Variants in ZSWIM6 observed in about 807,000 individuals in gnomAD.
ZSWIM6 encodes the protein zinc finger SWIM domain-containing protein 6.
ZSWIM6 carries 9 observed loss-of-function variants against 113.2 expected under a neutral mutation model. The observed-to-expected ratio is 0.08, with a 90% CI of 0.05 to 0.14. The LOEUF (loss-of-function observed/expected upper bound fraction) is 0.14. Ranked by LOEUF, ZSWIM6 falls within the 10% of genes least tolerant of loss-of-function variation. The probability of loss-of-function intolerance (pLI) is 1.00; values close to 1 mark genes in which losing one functional copy is unlikely to be tolerated. For synonymous variants in ZSWIM6, 611 were observed against 606.5 expected (o/e 1.01, Z -0.11); for missense variants, 1,162 against 1,552.2 (o/e 0.75, Z 4.22).
chr5:61,420,245 G>C (rs555726860), intron 1 of ZSWIM6, among the ~76,000 whole-genome samples: 1 of 152,356 alleles, frequency 6.6e-6, no homozygotes, highest in East Asian at 1.9e-4. Context: ...ATGCTCTAGA[G>C]ACCAGCACAT....
chr5:61,357,859 T>C (rs1744947477), intron 1 of ZSWIM6, among the ~76,000 whole-genome samples: 1 of 152,124 alleles, frequency 6.6e-6, no homozygotes, highest in Admixed American at 6.5e-5. Flanking sequence ...ACCTTACACC[T>C]TTGAAGGATT....
intron 1 of ZSWIM6, among the ~76,000 whole-genome samples, chr5:61,398,032 T>C (rs1195235572): frequency 1.3e-5 from 2 of 152,220 alleles, no homozygotes; most frequent in African/African-American, 4.8e-5. Context: ...TTTCAGAGAA[T>C]GGGACTTCTT....
At chr5:61,350,806 A>G (rs1744767681) in intron 1 of ZSWIM6, among the ~76,000 whole-genome samples, 1 of 152,224 alleles carries the variant, frequency 6.6e-6, no homozygotes, top group Admixed American at 6.5e-5. Flanking sequence ...AAGTCCTTAT[A>G]AAATGGGACT....
intron 10 of ZSWIM6, among the ~76,000 whole-genome samples, chr5:61,536,193 T>A (rs1256411619): frequency 6.6e-6 from 1 of 152,228 alleles, no homozygotes; most frequent in African/African-American, 2.4e-5. Context: ...TTCCATCTCC[T>A]CATCGGTCTC....
intron 1 of ZSWIM6, among the ~76,000 whole-genome samples, chr5:61,438,916 G>A (rs949116828): frequency 3.9e-5 from 6 of 152,102 alleles, no homozygotes; most frequent in Non-Finnish European, 8.8e-5. Context: ...TTATAAAGAC[G>A]GTTGTGCATG....
chr5:61,511,007 A>G (rs1748772880), intron 4 of ZSWIM6, among the ~76,000 whole-genome samples: 1 of 152,180 alleles, frequency 6.6e-6, no homozygotes, highest in African/African-American at 2.4e-5. Flanking sequence ...GGGAAAGGAG[A>G]TAAATGCCCA....
intron 1 of ZSWIM6, among the ~76,000 whole-genome samples, chr5:61,436,494 A>G (rs1215293088): frequency 6.6e-6 from 1 of 152,170 alleles, no homozygotes; most frequent in African/African-American, 2.4e-5. Flanking sequence ...CTGTGAACTC[A>G]CTTATTTATG....
At chr5:61,413,530 A>G (rs1468688916) in intron 1 of ZSWIM6, among the ~76,000 whole-genome samples, 1 of 152,118 alleles carries the variant, frequency 6.6e-6, no homozygotes, top group Non-Finnish European at 1.5e-5. Context: ...TCCTTTGGGT[A>G]TATACCCAGT....
At chr5:61,454,567 G>GTTTTTTTTTTTTTTTTTTTTTT (rs35249460) in intron 1 of ZSWIM6, among the ~76,000 whole-genome samples, 1 of 128,246 alleles carries the variant, frequency 7.8e-6, no homozygotes, top group Non-Finnish European at 1.6e-5. Context: ...CTATCCCTAA[G>GTTTTTTTTTTTTTTTTTTTTTT]TTTTTTTTTT....
chr5:61,432,653 C>T (rs74646315), intron 1 of ZSWIM6, among the ~76,000 whole-genome samples: 3,703 of 152,298 alleles, frequency 0.024, 159 homozygotes, highest in South Asian at 0.18. Context: ...TGTGAGGCAC[C>T]TATGAGATAA....
chr5:61,424,299 T>G (rs942053779), intron 1 of ZSWIM6, among the ~76,000 whole-genome samples: 3 of 152,194 alleles, frequency 2.0e-5, no homozygotes, highest in Non-Finnish European at 4.4e-5. Flanking sequence ...AGATATAAGG[T>G]ACAGGGCTCG....
Position 61,514,380 on chromosome 5 carries a change from T to C in ZSWIM6, c.1334-6883T>C, listed in dbSNP as rs148076695. ...ATGTCTTTAATCCCCTTCCCTTGCT[T>C]TATTGGCCTGTCTAGAATTTCCAGT... On this transcript the variant is annotated intron_variant, in intron 4 of 13. Transcript: ENST00000252744. Among the ~76,000 whole-genome samples the C allele has an allele frequency of 4.7e-4, 72 of 152,190 alleles. 1 individual carries two copies. In the East Asian group the frequency reaches 0.013, roughly 28 times the overall value.
intron 1 of ZSWIM6, among the ~76,000 whole-genome samples, chr5:61,447,074 C>T (rs1349010992): frequency 1.3e-5 from 2 of 151,974 alleles, no homozygotes; most frequent in Non-Finnish European, 2.9e-5. Flanking sequence ...AATTCTGGGG[C>T]CAAACACAGC....
intron 1 of ZSWIM6, among the ~76,000 whole-genome samples, chr5:61,416,915 C>T (rs1746269968): frequency 6.6e-6 from 1 of 152,174 alleles, no homozygotes; most frequent in African/African-American, 2.4e-5. Context: ...CAAGGTGGAT[C>T]ACCTCGGTCA....
rs1318867713 is a variant in ZSWIM6 at position 61,375,536 on chromosome 5, C to A, written c.676+42588C>A. ...AAAAAGAAGAACCGTTCACATAAAT[C>A]TTCTGAAAGCTCCATGTCAGAAACT... On this transcript the variant is annotated intron_variant, in intron 1 of 13. Coordinates refer to ENST00000252744, the MANE Select transcript of ZSWIM6 (RefSeq NM_020928.2). 4.5e-6 allele frequency: 7 copies of A among 1,550,572 alleles called. No homozygotes were observed. The East Asian group carries it at 1.4e-4, about 32-fold the overall frequency.
intron 1 of ZSWIM6, among the ~76,000 whole-genome samples, chr5:61,350,278 A>G (rs1744753138): frequency 6.6e-6 from 1 of 152,210 alleles, no homozygotes; most frequent in Admixed American, 6.5e-5. Context: ...TACCCTAGGC[A>G]TACATCTTGT....
chr5:61,345,581 G>A (rs1454473100), intron 1 of ZSWIM6, among the ~76,000 whole-genome samples: 1 of 152,180 alleles, frequency 6.6e-6, no homozygotes, highest in Non-Finnish European at 1.5e-5. Flanking sequence ...GAAAAACTGA[G>A]GGCATGTTGG....
At chr5:61,454,110 T>C (rs982987242) in intron 1 of ZSWIM6, among the ~76,000 whole-genome samples, 1 of 152,100 alleles carries the variant, frequency 6.6e-6, no homozygotes, top group Non-Finnish European at 1.5e-5. Flanking sequence ...TAAATGCTTA[T>C]TTTATTCTTT....
intron 2 of ZSWIM6, among the ~76,000 whole-genome samples, chr5:61,478,695 G>C (rs1356487591): frequency 1.1e-4 from 16 of 144,588 alleles, no homozygotes; most frequent in Non-Finnish European, 2.3e-4. Flanking sequence ...GTGAGTGTGT[G>C]TGTGTGTGTT....
Sources: gnomAD v4.1 joint callset for allele counts (sites outside exome capture counted in the v4.1 genomes callset) on GRCh38, gnomAD v4.1.1 for gene constraint, MANE v1.5 for transcripts, NCBI Gene and HGNC (gene_info 2026-07-23, HGNC 2026-07-21) for gene names.